Variants in AP1M2 observed in about 807,000 individuals in gnomAD.
AP1M2 encodes adaptor related protein complex 1 subunit mu 2.
In AP1M2, 41 loss-of-function variants were observed where a neutral mutation model predicts 54.6. That is an observed-to-expected ratio of 0.75 (90% CI 0.59 to 0.97). AP1M2 has a LOEUF of 0.97. Among genes scored for constraint, AP1M2 ranks in the 50% least tolerant of loss-of-function variants. The pLI is 0.00. For missense variants in AP1M2, 507 were observed against 561.2 expected (o/e 0.90, Z 0.98); for synonymous variants, 219 against 215.9 (o/e 1.01, Z -0.13).
Position 10,574,953 on chromosome 19 carries a change from G to T in AP1M2, c.1124C>A (p.Pro375His). 6.3e-7 allele frequency: 1 copy of T among 1,595,508 alleles called. No individual in the cohort carries two copies. Among genetic ancestry groups the T allele is most frequent in the South Asian group, 1.1e-5 (1 of 89,028 alleles). Reference protein sequence around the residue: ...VEKEEVEGRPPIGVKFEIPYF... With the variant: ...VEKEEVEGRPHIGVKFEIPYF... ...GGGGATCTCAAACTTGACCCCGATGGGGGGCCGGCCCTCCACCTCTTCCTT... is the reference window on the plus strand; with the variant it reads ...GGGGATCTCAAACTTGACCCCGATGTGGGGCCGGCCCTCCACCTCTTCCTT... The change falls in exon 10 of 12, where the codon CCC becomes CAC. Residue 375 changes from proline (P) to histidine (H), a missense_variant. By Grantham distance (77) the Pro-to-His change is moderately conservative (BLOSUM62 -2). Transcript: ENST00000250244.
chr19:10,572,913 G>A lies in AP1M2; in HGVS notation c.*153C>T. 1.5e-6 allele frequency: 1 copy of A among 683,280 alleles called. No homozygotes were observed. The allele number at this position is 683,280 out of a possible 1,614,324, so 42.3% of individuals were successfully genotyped here. On this transcript the variant is annotated 3_prime_UTR_variant, in exon 12 of 12. Transcript: ENST00000250244. ...CTCCCAGCCTATGGAATAAGGAAGA[G>A]GTGAGGAAGGGGCGGGTGCTGGGAG...
rs1265540899 is a variant in AP1M2, at chr19:10,572,755, C to T, written c.*311G>A. 5 of 311,530 alleles carry T rather than the reference C, an allele frequency of 1.6e-5. No individual in the cohort carries two copies. The highest frequency in any genetic ancestry group is 5.5e-5 in the South Asian group (1 of 18,032). The allele number at this position is 311,530 out of a possible 1,614,324, so 19.3% of individuals were successfully genotyped here. On this transcript the variant is annotated 3_prime_UTR_variant, in exon 12 of 12. Transcript: ENST00000250244. ...GCTCAGCGGCTGTGAAGGAGGGACC[C>T]GCAACACCCGCTAAGGCAGGTAATT... is the stretch of plus-strand genomic sequence containing the variant.
chr19:10,581,884 G>T lies in AP1M2; in HGVS notation c.268-6C>A. 6 of 1,594,586 alleles carry T rather than the reference G, an allele frequency of 3.8e-6. No individual in the cohort carries two copies. The highest frequency in any genetic ancestry group is 5.1e-6 in the Non-Finnish European group (6 of 1,170,128). On this transcript the variant is annotated splice_region_variant and splice_polypyrimidine_tract_variant and intron_variant, in intron 3 of 11. Coordinates refer to ENST00000250244, the MANE Select transcript of AP1M2 (RefSeq NM_005498.5). Reference sequence around the variant, plus strand: ...TTGAAGTATTCGCAGAATACCTGGGGGTTGGAGGAGAGAGAGACCCACAAA... The same window carrying T: ...TTGAAGTATTCGCAGAATACCTGGGTGTTGGAGGAGAGAGAGACCCACAAA...
intron 1 of AP1M2, 66 bp downstream of exon 1, chr19:10,587,124 C>G (rs1917673392): frequency 6.5e-7 from 1 of 1,531,226 alleles, no homozygotes; most frequent in African/African-American, 1.4e-5. Context: ...GCGGAGGGGT[C>G]GCCCCTGAAT....
chr19:10,587,133 A>T (rs951410738), intron 1 of AP1M2, 57 bp downstream of exon 1: 2 of 1,542,204 alleles, frequency 1.3e-6, no homozygotes, highest in African/African-American at 2.7e-5. Flanking sequence ...TCGCCCCTGA[A>T]TCCCTGGGAG....
chr19:10,575,049 T>C lies in AP1M2; in HGVS notation c.1048-20A>G. 1.4e-6 allele frequency: 2 copies of C among 1,477,052 alleles called. No individual in the cohort carries two copies. The highest frequency in any genetic ancestry group is 1.4e-5 in the South Asian group (1 of 71,920). 91.5% of individuals were successfully genotyped at this position (1,477,052 alleles called of 1,614,324 possible). ...GCCCCCCTGAGGGAACATGGGGGCATCAGGTACACGAGGGTCCGCCTACCC... is the reference window on the plus strand; with the variant it reads ...GCCCCCCTGAGGGAACATGGGGGCACCAGGTACACGAGGGTCCGCCTACCC... On this transcript the variant is annotated intron_variant, in intron 9 of 11. Coordinates refer to ENST00000250244, the MANE Select transcript of AP1M2 (RefSeq NM_005498.5).
At position 10,572,893 on chromosome 19, in the gene AP1M2, A is replaced by G; in HGVS notation, c.*173T>C. ...GGGAAGCAGAGAGAGTTTCTCTCCC[A>G]GCCTATGGAATAAGGAAGAGGTGAG... is the stretch of plus-strand genomic sequence containing the variant. On this transcript the variant is annotated 3_prime_UTR_variant, in exon 12 of 12. Coordinates refer to ENST00000250244, the MANE Select transcript of AP1M2 (RefSeq NM_005498.5). 1.7e-6 allele frequency: 1 copy of G among 591,214 alleles called. No homozygotes were observed. Among genetic ancestry groups the G allele is most frequent in the East Asian group, 2.9e-5 (1 of 34,396 alleles). 36.6% of individuals were successfully genotyped at this position (591,214 alleles called of 1,614,324 possible).
rs1311152683 is a variant in AP1M2 at position 10,577,338 on chromosome 19, TC to T, written c.906del (p.Lys303AsnfsTer39). On this transcript the variant is annotated frameshift_variant, in exon 9 of 12. Coordinates refer to ENST00000250244, the MANE Select transcript of AP1M2 (RefSeq NM_005498.5). LOFTEE classifies it high-confidence loss of function. ...TCCACACCGTTGGCCACTGACTGTT[TC>T]TTAAACTGCCCCTTGGCCTGTCAGG... is the stretch of plus-strand genomic sequence containing the variant. Reference protein sequence around the residue: ...EIMVKAKGQFKKQSVANGVEI... With the variant: ...EIMVKAKGQFXKQSVANGVEI... 4 of 1,609,478 alleles carry T rather than the reference TC, an allele frequency of 2.5e-6. No individual in the cohort carries two copies. Among genetic ancestry groups the T allele is most frequent in the Non-Finnish European group, 3.4e-6 (4 of 1,178,030 alleles).
At position 10,581,549 on chromosome 19, in the gene AP1M2, C is replaced by T. The variant is rs773360506; in HGVS notation, c.484G>A (p.Glu162Lys). 19 of 1,613,732 alleles carry T rather than the reference C, an allele frequency of 1.2e-5. No homozygotes were observed. Among genetic ancestry groups the T allele is most frequent in the Non-Finnish European group, 1.4e-5 (16 of 1,179,838 alleles). Residue 162 changes from glutamate (E) to lysine (K), a missense_variant, in exon 5 of 12, where the codon GAG becomes AAG. Glu to Lys is a moderately conservative substitution (Grantham distance 56). Coordinates refer to ENST00000250244, the MANE Select transcript of AP1M2 (RefSeq NM_005498.5). ...TCGTTCTTCTTATACTTGATACCCTCGGAGCGCCAGGACACAGCGTTGGTG... is the reference window on the plus strand; with the variant it reads ...TCGTTCTTCTTATACTTGATACCCTTGGAGCGCCAGGACACAGCGTTGGTG... ...TVTNAVSWRS[E>K]GIKYKKNEVF...
intron 9 of AP1M2, 150 bp downstream of exon 9, chr19:10,577,048 C>A: frequency 3.5e-6 from 3 of 850,398 alleles, no homozygotes; most frequent in Non-Finnish European, 5.6e-6. Flanking sequence ...CCGTGTCAGC[C>A]TCTCAAAGTA....
Position 10,584,009 on chromosome 19 carries a change from G to C in AP1M2, c.104C>G (p.Pro35Arg), listed in dbSNP as rs527521673. ...TTCCTCCTCCCGCTGTACCAGCAAA[G>C]GCATGAAGTGCTCAATCTTGCTCAT... ...VAMSKIEHFMPLLVQREEEGA... is the reference protein window; with the variant it reads ...VAMSKIEHFMRLLVQREEEGA... The change falls in exon 2 of 12, where the codon CCT (proline) becomes CGT (arginine). Residue 35 changes from proline (P) to arginine (R), a missense_variant. Coordinates refer to ENST00000250244, the MANE Select transcript of AP1M2 (RefSeq NM_005498.5). 1.2e-6 allele frequency: 2 copies of C among 1,610,074 alleles called. No individual in the cohort carries two copies. The highest frequency in any genetic ancestry group is 1.7e-6 in the Non-Finnish European group (2 of 1,178,340).
intron 1 of AP1M2, among the ~76,000 whole-genome samples, chr19:10,586,689 G>A (rs1298993498): frequency 6.6e-6 from 1 of 151,912 alleles, no homozygotes; most frequent in Admixed American, 6.6e-5. Context: ...AGCTATGATC[G>A]CACCACTGCA....
At position 10,581,309 on chromosome 19, in the gene AP1M2, C is replaced by T; in HGVS notation, c.630G>A (p.Leu210=). The T allele has an allele frequency of 6.2e-7, 1 of 1,613,894 alleles. No individual in the cohort carries two copies. Residue 210 remains leucine (L), a synonymous_variant, in exon 6 of 12, where the codon CTG becomes CTA. Coordinates refer to ENST00000250244, the MANE Select transcript of AP1M2 (RefSeq NM_005498.5). ...GCACGCGGTCATTGAGGCCCAGCCG[C>T]AGCTCTGGCATTCCTGACAGAAACA... ...LKVFLSGMPE[L]RLGLNDRVLF...
chr19:10,577,396 G>T, intron 8 of AP1M2, 40 bp from the exon 9 acceptor site: 4 of 1,157,148 alleles, frequency 3.5e-6, no homozygotes, highest in Non-Finnish European at 3.6e-6. Context: ...GAATTCGCTT[G>T]CTCATCCTTC....
chr19:10,574,810 A>G, intron 10 of AP1M2, 94 bp downstream of exon 10: 1 of 1,436,484 alleles, frequency 7.0e-7, no homozygotes, highest in Non-Finnish European at 9.2e-7. Context: ...GTGTTGACAC[A>G]GGCCAGGGGA....
chr19:10,573,462 C>T (rs1479397155), intron 11 of AP1M2, among the ~76,000 whole-genome samples: 1 of 151,770 alleles, frequency 6.6e-6, no homozygotes, highest in Admixed American at 6.6e-5. Flanking sequence ...GAGGGACAGC[C>T]TCCCACAGCC....
At chr19:10,577,154 A>G (rs1424336431) in intron 9 of AP1M2, 44 bp downstream of exon 9, 8 of 1,566,052 alleles carry the variant, frequency 5.1e-6, no homozygotes, top group Non-Finnish European at 3.5e-6. Flanking sequence ...ACACTACTCC[A>G]GTCCCCTCCA....
intron 9 of AP1M2, among the ~76,000 whole-genome samples, chr19:10,575,638 A>T (rs939142162): frequency 2.0e-5 from 3 of 152,046 alleles, no homozygotes; most frequent in Admixed American, 1.3e-4. Context: ...ATTTAAATCC[A>T]CACACTTCCC....
At position 10,583,896 on chromosome 19, in the gene AP1M2, A is replaced by C; in HGVS notation, c.199+18T>G. On this transcript the variant is annotated intron_variant, in intron 2 of 11. Coordinates refer to ENST00000250244, the MANE Select transcript of AP1M2 (RefSeq NM_005498.5). ...AGCCCCCACACCCACCTCCAGGGAC[A>C]CCACGTGGGGTGGATACAGTAGAGG... 1 of 1,585,358 alleles carries C rather than the reference A, an allele frequency of 6.3e-7. No homozygotes were observed. The highest frequency in any genetic ancestry group is 8.6e-7 in the Non-Finnish European group (1 of 1,165,458).
Sources: gnomAD v4.1 joint callset for allele counts (sites outside exome capture counted in the v4.1 genomes callset) on GRCh38, gnomAD v4.1.1 for gene constraint, MANE v1.5 for transcripts, NCBI Gene and HGNC (gene_info 2026-07-23, HGNC 2026-07-21) for gene names.